Variants in RGS7BP observed in about 807,000 individuals in gnomAD.
The protein encoded by RGS7BP is regulator of G protein signaling 7-binding protein.
A neutral mutation model predicts 31.3 loss-of-function variants in RGS7BP; 9 were observed. The ratio of observed to expected loss-of-function variants is 0.29; its 90% confidence interval spans 0.17 to 0.50. The LOEUF (loss-of-function observed/expected upper bound fraction) is 0.50. Among genes scored for constraint, RGS7BP ranks in the 20% least tolerant of loss-of-function variants. The pLI, the probability that RGS7BP is intolerant of heterozygous loss-of-function variation, is 0.98. For missense variants in RGS7BP, 274 were observed against 322.0 expected, an observed-to-expected ratio of 0.85 and a Z score of 1.14; for synonymous variants, 115 against 120.1, an observed-to-expected ratio of 0.96 and a Z score of 0.28.
chr5:64,585,819 C>T (rs1315649482), intron 3 of RGS7BP, among the ~76,000 whole-genome samples: 1 of 152,072 alleles, frequency 6.6e-6, no homozygotes, highest in African/African-American at 2.4e-5. Flanking sequence ...AAAAGCTTTG[C>T]AAGACTTTAA....
intron 2 of RGS7BP, 62 bp from the exon 3 acceptor site, chr5:64,575,712 C>A: frequency 1.3e-6 from 2 of 1,543,300 alleles, no homozygotes; most frequent in Non-Finnish European, 1.7e-6. Context: ...GGAGCTGAGA[C>A]AAATGGCTGA....
intron 2 of RGS7BP, among the ~76,000 whole-genome samples, chr5:64,521,962 G>T (rs1451462871): frequency 6.6e-6 from 1 of 152,124 alleles, no homozygotes; most frequent in Non-Finnish European, 1.5e-5. Flanking sequence ...TCAGACTCTT[G>T]TTCCTGTTCT....
At chr5:64,514,883 T>G (rs1446524030) in intron 2 of RGS7BP, among the ~76,000 whole-genome samples, 2 of 152,216 alleles carry the variant, frequency 1.3e-5, no homozygotes, top group Non-Finnish European at 2.9e-5. Context: ...TGACTAAATG[T>G]GATATGGCAT....
At chr5:64,569,019 G>C (rs929458682) in intron 2 of RGS7BP, among the ~76,000 whole-genome samples, 4 of 152,086 alleles carry the variant, frequency 2.6e-5, no homozygotes, top group African/African-American at 7.2e-5. Flanking sequence ...TCTGAGGCCT[G>C]TTGCTTTATA....
In RGS7BP at chr5:64,512,380, T is replaced by A. The variant is rs145040175; in HGVS notation, c.332+4503T>A. On this transcript the variant is annotated intron_variant, in intron 2 of 5. Coordinates refer to ENST00000334025, the MANE Select transcript of RGS7BP (RefSeq NM_001029875.3). ...GTATGCAGATTGATTCACAGAGTGG[T>A]TAGTGGTAGTCTGGTATCGTGGTTA... is the stretch of plus-strand genomic sequence containing the variant. Among the ~76,000 whole-genome samples, 411 of 152,212 alleles carry A rather than the reference T, an allele frequency of 2.7e-3. 3 individuals carry two copies. Among genetic ancestry groups the A allele is most frequent in the African/African-American group, 9.2e-3 (383 of 41,516 alleles).
chr5:64,530,554 G>A (rs960966265), intron 2 of RGS7BP, among the ~76,000 whole-genome samples: 4 of 152,168 alleles, frequency 2.6e-5, no homozygotes, highest in Non-Finnish European at 4.4e-5. Context: ...GCTAGTGTCA[G>A]TGCTTGAACT....
chr5:64,600,551 C>T (rs1743191455), intron 5 of RGS7BP, among the ~76,000 whole-genome samples: 1 of 151,936 alleles, frequency 6.6e-6, no homozygotes, highest in Admixed American at 6.6e-5. Context: ...TGAGTGAAAA[C>T]ATGAGTGAAA....
intron 2 of RGS7BP, among the ~76,000 whole-genome samples, chr5:64,566,655 G>A (rs1024238088): frequency 4.6e-5 from 7 of 151,962 alleles, no homozygotes; most frequent in African/African-American, 1.7e-4. Context: ...TCAGTTTGAG[G>A]ACAAGTAAAA....
intron 2 of RGS7BP, among the ~76,000 whole-genome samples, chr5:64,555,512 G>C (rs1007865896): frequency 6.6e-5 from 10 of 152,006 alleles, no homozygotes; most frequent in Non-Finnish European, 1.5e-4. Context: ...AAATACAATG[G>C]GGGAAACTGC....
chr5:64,576,032 G>A (rs1002810317), intron 3 of RGS7BP, 128 bp downstream of exon 3: 1 of 795,150 alleles, frequency 1.3e-6, no homozygotes, highest in Non-Finnish European at 1.9e-6. Context: ...AAATGTTCAG[G>A]AAATGCTTGC....
chr5:64,594,723 C>G lies in RGS7BP; in HGVS notation c.477C>G (p.Gly159=), dbSNP rs368140574. The G allele has an allele frequency of 5.0e-6, 8 of 1,613,406 alleles. No individual in the cohort carries two copies. The highest frequency in any genetic ancestry group is 6.8e-6 in the Non-Finnish European group (8 of 1,179,648). The stretch of plus-strand genomic sequence containing the variant: ...TCCCTCCCTTAGGAAAGGAACCTGG[C>G]GGGGGAACCAAGAGTTTGGATTGCA... ...LQFHRKGKEP[G]GGTKSLDCKI... is the part of the protein sequence containing the mutation. The change falls in exon 4 of 6, where the codon GGC becomes GGG. Residue 159 remains glycine, a synonymous_variant. Transcript: ENST00000334025.
At chr5:64,600,601 A>T (rs1353048212) in intron 5 of RGS7BP, among the ~76,000 whole-genome samples, 1 of 152,204 alleles carries the variant, frequency 6.6e-6, no homozygotes, top group East Asian at 1.9e-4. Flanking sequence ...CAGGACTTGA[A>T]CCTTGGATCT....
Position 64,540,371 on chromosome 5 carries a change from G to A in RGS7BP, c.332+32494G>A, listed in dbSNP as rs186497305. 4.6e-5 allele frequency among the ~76,000 whole-genome samples: 7 copies of A among 151,812 alleles called. No homozygotes were observed. In the East Asian group the frequency reaches 9.7e-4, roughly 21 times the overall value. ...ATAATAAGTAATTTGCCATAACTTT[G>A]TTTTCTTTTTTTTAACCAACCAAAC... On this transcript the variant is annotated intron_variant, in intron 2 of 5. Coordinates refer to ENST00000334025, the MANE Select transcript of RGS7BP (RefSeq NM_001029875.3).
intron 5 of RGS7BP, among the ~76,000 whole-genome samples, chr5:64,599,714 G>A (rs1307950367): frequency 6.6e-6 from 1 of 152,178 alleles, no homozygotes; most frequent in Non-Finnish European, 1.5e-5. Flanking sequence ...GAAGATTGTT[G>A]CCAGAAATAA....
chr5:64,560,998 A>T (rs755593151), intron 2 of RGS7BP, among the ~76,000 whole-genome samples: 1 of 152,144 alleles, frequency 6.6e-6, no homozygotes, highest in East Asian at 1.9e-4. Context: ...TTCTATGCCC[A>T]GTTCTTGCCA....
intron 2 of RGS7BP, among the ~76,000 whole-genome samples, chr5:64,541,321 G>T (rs989968182): frequency 2.0e-5 from 3 of 152,050 alleles, no homozygotes; most frequent in African/African-American, 4.8e-5. Context: ...ATTCATGAGG[G>T]ATCCATTCCT....
At chr5:64,508,955 G>A (rs1748762415) in intron 2 of RGS7BP, among the ~76,000 whole-genome samples, 1 of 152,088 alleles carries the variant, frequency 6.6e-6, no homozygotes, top group African/African-American at 2.4e-5. Flanking sequence ...CTTTACATTT[G>A]ACCACAGGCA....
intron 2 of RGS7BP, among the ~76,000 whole-genome samples, chr5:64,574,509 G>C (rs1028864573): frequency 6.6e-6 from 1 of 152,052 alleles, no homozygotes; most frequent in Non-Finnish European, 1.5e-5. Flanking sequence ...TTTTCAGATA[G>C]AGCCAAATTT....
At chr5:64,529,514 C>G (rs1390148664) in intron 2 of RGS7BP, among the ~76,000 whole-genome samples, 1 of 152,128 alleles carries the variant, frequency 6.6e-6, no homozygotes, top group Non-Finnish European at 1.5e-5. Context: ...CAATACAAAC[C>G]AGTGGTTACC....
Sources: allele counts gnomAD v4.1 joint callset (sites outside exome capture counted in the v4.1 genomes callset), GRCh38; gene constraint gnomAD v4.1.1; transcripts MANE v1.5; gene names NCBI Gene and HGNC (gene_info 2026-07-23, HGNC 2026-07-21).